The following NR2C1 variants were observed in gnomAD, a reference collection of about 807,000 sequenced individuals.
NR2C1 encodes the protein TR2 nuclear hormone receptor.
A neutral mutation model predicts 74.8 loss-of-function variants in NR2C1; 33 were observed. That is an observed-to-expected ratio of 0.44 (90% CI 0.33 to 0.59). NR2C1 has a LOEUF of 0.59. Among genes scored for constraint, NR2C1 ranks in the 20% least tolerant of loss-of-function variants. NR2C1 has a pLI of 0.02. For missense variants in NR2C1, 568 were observed against 715.6 expected (o/e 0.79, Z 2.35); for synonymous variants, 225 against 240.6 (o/e 0.94, Z 0.60).
chr12:95,049,222 G>C lies in NR2C1; in HGVS notation c.977C>G (p.Thr326Ser), dbSNP rs1872675030. The change falls in exon 9 of 14, where the codon ACT (threonine) becomes AGT (serine). Residue 326 changes from threonine to serine, a missense_variant. Coordinates refer to ENST00000333003, the MANE Select transcript of NR2C1 (RefSeq NM_003297.4). ...TCCAGGATTCAATGCTTTTGCAAGA[G>C]TGTCAAATGCCCTGTATGAAGACAT... Reference protein sequence around the residue: ...TNGDVSRAFDTLAKALNPGES... With the variant: ...TNGDVSRAFDSLAKALNPGES... 6.2e-7 allele frequency: 1 copy of C among 1,613,748 alleles called. No individual in the cohort carries two copies. Among genetic ancestry groups the C allele is most frequent in the Non-Finnish European group, 8.5e-7 (1 of 1,179,846 alleles).
intron 10 of NR2C1, among the ~76,000 whole-genome samples, chr12:95,034,678 T>A (rs1351987509): frequency 6.6e-6 from 1 of 152,148 alleles, no homozygotes; most frequent in African/African-American, 2.4e-5. Context: ...TGTAATACCA[T>A]ATTTTTATGG....
At chr12:95,030,792 T>C in intron 11 of NR2C1, 1 of 1,613,256 alleles carries the variant, frequency 6.2e-7, no homozygotes, top group East Asian at 2.2e-5. Context: ...TGGGTAGTCA[T>C]AAGCCATTCT....
In NR2C1 at chr12:95,043,689, C is replaced by CAAAAAAAAAA. The variant is rs34229669; in HGVS notation, c.1132-3102_1132-3093dup. ...TGGGAGACAGAGCAAGACTCTGTCT[C>CAAAAAAAAAA]AAAAAAAAAAAAAATCCTTTGCAAA... On this transcript the variant is annotated intron_variant, in intron 9 of 13. Transcript: ENST00000333003. Among the ~76,000 whole-genome samples, 67 of 94,272 alleles carry CAAAAAAAAAA rather than the reference C, an allele frequency of 7.1e-4. 4 individuals are homozygous for CAAAAAAAAAA. Among genetic ancestry groups the CAAAAAAAAAA allele is most frequent in the African/African-American group, 2.0e-3 (51 of 25,002 alleles). 61.8% of individuals were successfully genotyped at this position (94,272 alleles called of 152,430 possible). A position where few individuals can be genotyped will look rare whatever the true frequency, so the allele number is the denominator to read the frequency against.
rs34229669 is a variant in NR2C1, at chr12:95,043,689, C to CAAAAA, written c.1132-3097_1132-3093dup. ...TGGGAGACAGAGCAAGACTCTGTCT[C>CAAAAA]AAAAAAAAAAAAAATCCTTTGCAAA... On this transcript the variant is annotated intron_variant, in intron 9 of 13. Transcript: ENST00000333003. Among the ~76,000 whole-genome samples the CAAAAA allele has an allele frequency of 8.5e-5, 8 of 94,294 alleles. No homozygotes were observed. The East Asian group carries it at 1.5e-3, about 18-fold the overall frequency. 61.9% of individuals were successfully genotyped at this position (94,294 alleles called of 152,430 possible). A position where few individuals can be genotyped will look rare whatever the true frequency, so the allele number is the denominator to read the frequency against.
At chr12:95,063,855 C>T (rs115776235) in intron 2 of NR2C1, among the ~76,000 whole-genome samples, 2,033 of 151,476 alleles carry the variant, frequency 0.013, 40 homozygotes, top group African/African-American at 0.046. Flanking sequence ...AATGACGAAA[C>T]CCTGTCTCTA....
intron 3 of NR2C1, among the ~76,000 whole-genome samples, chr12:95,060,899 A>G (rs940748888): frequency 2.6e-5 from 4 of 152,150 alleles, no homozygotes; most frequent in Non-Finnish European, 5.9e-5. Flanking sequence ...CACCACAAAA[A>G]TCAGTCTTCA....
chr12:95,066,102 A>C (rs999078464), intron 2 of NR2C1, among the ~76,000 whole-genome samples: 1 of 152,226 alleles, frequency 6.6e-6, no homozygotes. Flanking sequence ...TGTAGTGCAG[A>C]GAGTGGCTTT....
intron 4 of NR2C1, among the ~76,000 whole-genome samples, chr12:95,059,403 A>G (rs895212255): frequency 2.6e-5 from 4 of 152,008 alleles, no homozygotes; most frequent in Admixed American, 1.3e-4. Flanking sequence ...GTTAAAAAAT[A>G]TAAGTGAATA....
At chr12:95,062,396 G>A in intron 3 of NR2C1, 112 bp downstream of exon 3, 1 of 678,520 alleles carries the variant, frequency 1.5e-6, no homozygotes. Flanking sequence ...ATAATTTTAT[G>A]CATTTTTTTC....
intron 12 of NR2C1, among the ~76,000 whole-genome samples, chr12:95,026,207 C>CA (rs757466478): frequency 0.023 from 2,265 of 98,562 alleles, 36 homozygotes; most frequent in African/African-American, 0.067. Context: ...ACTCCGTCTC[C>CA]AAAAAAAAAA....
intron 11 of NR2C1, among the ~76,000 whole-genome samples, 182 bp downstream of exon 11, chr12:95,031,167 T>C (rs1870050083): frequency 6.6e-6 from 1 of 152,122 alleles, no homozygotes; most frequent in African/African-American, 2.4e-5. Context: ...GCACTCTATT[T>C]AAAAAATATT....
chr12:95,032,527 G>A lies in NR2C1; in HGVS notation c.1254-1039C>T, dbSNP rs184602160. Among the ~76,000 whole-genome samples, 152 of 152,048 alleles carry A rather than the reference G, an allele frequency of 1.0e-3. 1 individual carries two copies. Among genetic ancestry groups the A allele is most frequent in the African/African-American group, 3.6e-3 (148 of 41,480 alleles). On this transcript the variant is annotated intron_variant, in intron 10 of 13. Transcript: ENST00000333003. Reference sequence around the variant, plus strand: ...ATGAAAACATTAGCCGAGCATAGTGGCATGTGCCTGCCGTCCCAGCTACTT... The same window carrying A: ...ATGAAAACATTAGCCGAGCATAGTGACATGTGCCTGCCGTCCCAGCTACTT...
At chr12:95,067,583 T>A (rs578098025) in intron 1 of NR2C1, among the ~76,000 whole-genome samples, 192 bp from the exon 2 acceptor site, 68 of 152,014 alleles carry the variant, frequency 4.5e-4, no homozygotes, top group Middle Eastern at 3.4e-3. Flanking sequence ...TTATTTTTTT[T>A]TTTTTTAAAA....
At chr12:95,051,414 C>T (rs1425292082) in intron 8 of NR2C1, among the ~76,000 whole-genome samples, 1 of 152,222 alleles carries the variant, frequency 6.6e-6, no homozygotes, top group African/African-American at 2.4e-5. Flanking sequence ...ACAGGCCAGA[C>T]ATGCCAATGG....
intron 4 of NR2C1, 88 bp downstream of exon 4, chr12:95,059,818 A>T: frequency 1.2e-6 from 1 of 863,736 alleles, no homozygotes; most frequent in East Asian, 2.6e-5. Flanking sequence ...TAGAAGAAAC[A>T]TGGTAGTGTG....
At chr12:95,050,314 TTTG>T (rs1287551315) in intron 8 of NR2C1, among the ~76,000 whole-genome samples, 2 of 152,208 alleles carry the variant, frequency 1.3e-5, no homozygotes, top group African/African-American at 4.8e-5. Flanking sequence ...TATATTATGT[TTTG>T]TTGTTGTTTG....
chr12:95,067,227 T>G (rs1259187264), intron 2 of NR2C1, 104 bp downstream of exon 2: 2 of 884,894 alleles, frequency 2.3e-6, no homozygotes, highest in Non-Finnish European at 3.8e-6. Flanking sequence ...TATCTTAAGT[T>G]AGGGAATATC....
intron 12 of NR2C1, among the ~76,000 whole-genome samples, chr12:95,026,021 C>A (rs1389107571): frequency 6.6e-6 from 1 of 151,782 alleles, no homozygotes; most frequent in Non-Finnish European, 1.5e-5. Context: ...GCCTGGCCAA[C>A]ATGGTGAAAC....
At position 95,028,468 on chromosome 12, in the gene NR2C1, C is replaced by T. The variant is rs1869645673; in HGVS notation, c.1450G>A (p.Glu484Lys). 1 of 1,594,466 alleles carries T rather than the reference C, an allele frequency of 6.3e-7. No individual in the cohort carries two copies. Among genetic ancestry groups the T allele is most frequent in the Non-Finnish European group, 8.6e-7 (1 of 1,166,276 alleles). ...LLMEHIFKLQ[E>K]FCNSMVKLCI... ...AGTTTAACCATGCTGTTACAAAACTCCTGTAGTTTGAAGATGTGCTCCATC... is the reference window on the plus strand; with the variant it reads ...AGTTTAACCATGCTGTTACAAAACTTCTGTAGTTTGAAGATGTGCTCCATC... The change falls in exon 12 of 14, where the codon GAG (glutamate) becomes AAG (lysine). Residue 484 changes from glutamate (E) to lysine (K), a missense_variant. Around this residue, in one of 6 missense-constraint regions of NR2C1, gnomAD observed 117 missense variants for 186.7 expected, o/e 0.63. Coordinates refer to ENST00000333003, the MANE Select transcript of NR2C1 (RefSeq NM_003297.4).
Sources: gnomAD v4.1 joint callset for allele counts (sites outside exome capture counted in the v4.1 genomes callset) on GRCh38, gnomAD v4.1.1 for gene constraint, gnomAD v4.1.1 regional missense constraint, MANE v1.5 for transcripts, NCBI Gene and HGNC (gene_info 2026-07-23, HGNC 2026-07-21) for gene names.